The following DNAH7 variants were observed in gnomAD, a reference collection of about 807,000 sequenced individuals.
DNAH7 encodes axonemal beta dynein heavy chain 7.
A neutral mutation model predicts 444.6 loss-of-function variants in DNAH7; 397 were observed. The observed-to-expected ratio is 0.89, with a 90% confidence interval of 0.82 to 0.97. The LOEUF is 0.97. DNAH7 is among the 50% of genes least tolerant of loss of function. The probability of loss-of-function intolerance (pLI) is 0.00; values close to 1 mark genes in which losing one functional copy is unlikely to be tolerated. For missense variants in DNAH7, 4,902 were observed against 4,800.8 expected (o/e 1.02, Z -0.62); for synonymous variants, 1,636 against 1,624.4 (o/e 1.01, Z -0.17).
At chr2:195,815,605 A>G (rs1697180402) in intron 51 of DNAH7, among the ~76,000 whole-genome samples, 1 of 152,238 alleles carries the variant, frequency 6.6e-6, no homozygotes, top group South Asian at 2.1e-4. Flanking sequence ...CAGTCAAGAA[A>G]CTGAAGTATT....
At chr2:195,955,678 A>G (rs999754234) in intron 19 of DNAH7, among the ~76,000 whole-genome samples, 14 of 152,194 alleles carry the variant, frequency 9.2e-5, no homozygotes, top group Non-Finnish European at 1.8e-4. Flanking sequence ...GAACTGAGAT[A>G]TCTATAAAAT....
At position 195,931,827 on chromosome 2, in the gene DNAH7, C is replaced by T. The variant is rs530750290; in HGVS notation, c.3471+2764G>A. Among the ~76,000 whole-genome samples the T allele has an allele frequency of 1.6e-4, 24 of 152,238 alleles. No homozygotes were observed. The East Asian group carries it at 4.4e-3, about 28-fold the overall frequency. Reference sequence around the variant, plus strand: ...GCCATGCTGTTTTGGTTACTGTAGCCTTGTAGTATAGTTTGAAGTCAGGTA... The same window carrying T: ...GCCATGCTGTTTTGGTTACTGTAGCTTTGTAGTATAGTTTGAAGTCAGGTA... On this transcript the variant is annotated intron_variant, in intron 21 of 64. Transcript: ENST00000312428.
chr2:196,036,027 CT>C (rs750452521), intron 5 of DNAH7, among the ~76,000 whole-genome samples: 15,205 of 129,480 alleles, frequency 0.12, 1,059 homozygotes, highest in Middle Eastern at 0.24. Flanking sequence ...TCTCCACATT[CT>C]TTTTTTTTTT....
chr2:195,957,099 A>G lies in DNAH7; in HGVS notation c.3078+162T>C, dbSNP rs142159126. The stretch of plus-strand genomic sequence containing the variant: ...CAAAATACCTACTTTTGCTTGCGAC[A>G]TTTTCTGCTCCTGGCATTCTAAAAT... On this transcript the variant is annotated intron_variant, in intron 19 of 64. Transcript: ENST00000312428. Among the ~76,000 whole-genome samples the G allele has an allele frequency of 1.7e-3, 266 of 152,264 alleles. 1 individual carries two copies. Among genetic ancestry groups the G allele is most frequent in the Non-Finnish European group, 3.1e-3 (209 of 68,036 alleles).
At chr2:195,888,101 G>A (rs948023231) in intron 33 of DNAH7, among the ~76,000 whole-genome samples, 157 bp downstream of exon 33, 2 of 151,964 alleles carry the variant, frequency 1.3e-5, no homozygotes, top group African/African-American at 4.8e-5. Flanking sequence ...TATTTTTAGT[G>A]AACTGCATGA....
At chr2:195,856,399 C>A (rs1057394204) in intron 44 of DNAH7, among the ~76,000 whole-genome samples, 1 of 152,006 alleles carries the variant, frequency 6.6e-6, no homozygotes, top group African/African-American at 2.4e-5. Context: ...AACAGTTATC[C>A]TATAAATACG....
At chr2:195,957,898 G>A (rs1690800602) in intron 18 of DNAH7, among the ~76,000 whole-genome samples, 1 of 152,046 alleles carries the variant, frequency 6.6e-6, no homozygotes, top group Non-Finnish European at 1.5e-5. Context: ...TGAAAAATGA[G>A]ATTTTGTTGA....
chr2:196,003,693 G>C (rs1250972114), intron 10 of DNAH7, among the ~76,000 whole-genome samples: 1 of 152,156 alleles, frequency 6.6e-6, no homozygotes, highest in Non-Finnish European at 1.5e-5. Context: ...GTCTTCTCCA[G>C]TAATGACCTG....
chr2:196,044,542 C>T (rs959827940), intron 5 of DNAH7, among the ~76,000 whole-genome samples: 2 of 151,978 alleles, frequency 1.3e-5, no homozygotes, highest in African/African-American at 2.4e-5. Flanking sequence ...TCACCACTAA[C>T]GAATTTACCC....
intron 36 of DNAH7, 112 bp from the exon 37 acceptor site, chr2:195,876,811 C>T: frequency 1.4e-6 from 1 of 716,690 alleles, no homozygotes; most frequent in Non-Finnish European, 2.3e-6. Flanking sequence ...AGTGTTGTAA[C>T]ATTGTACAAA....
chr2:195,994,207 A>G (rs1693543663), intron 12 of DNAH7: 1 of 253,168 alleles, frequency 3.9e-6, no homozygotes, highest in South Asian at 6.1e-5. Context: ...CCCATGATAA[A>G]AAATTATTGA....
At chr2:195,825,845 G>A (rs1174128365) in intron 48 of DNAH7, among the ~76,000 whole-genome samples, 2 of 152,166 alleles carry the variant, frequency 1.3e-5, no homozygotes, top group Admixed American at 1.3e-4. Context: ...CCATGAAAGT[G>A]CAGACATATT....
At chr2:195,973,863 G>A (rs115032085) in intron 15 of DNAH7, among the ~76,000 whole-genome samples, 2,474 of 152,016 alleles carry the variant, frequency 0.016, 67 homozygotes, top group African/African-American at 0.056. Flanking sequence ...CTAGGCAGGC[G>A]GATCACCTGA....
chr2:195,889,489 A>G (rs1267220412), intron 31 of DNAH7, among the ~76,000 whole-genome samples: 1 of 151,298 alleles, frequency 6.6e-6, no homozygotes, highest in East Asian at 1.9e-4. Flanking sequence ...TAAATTTTTT[A>G]TTTCTTGTGG....
At chr2:196,023,562 AAG>A (rs1447034312) in intron 8 of DNAH7, among the ~76,000 whole-genome samples, 10 of 152,196 alleles carry the variant, frequency 6.6e-5, no homozygotes, top group African/African-American at 2.2e-4. Flanking sequence ...TACGGAACTG[AAG>A]AGAGTTAGGG....
intron 5 of DNAH7, among the ~76,000 whole-genome samples, chr2:196,038,682 T>C (rs1016753850): frequency 1.3e-5 from 2 of 152,190 alleles, no homozygotes; most frequent in Non-Finnish European, 2.9e-5. Flanking sequence ...AGAATTTGCA[T>C]GGTATATCTT....
At chr2:195,766,212 C>T (rs1370992711) in intron 61 of DNAH7, among the ~76,000 whole-genome samples, 6 of 59,670 alleles carry the variant, frequency 1.0e-4, no homozygotes, top group African/African-American at 2.9e-4. Context: ...CTTGCTCTGT[C>T]ACCCAGGCTG....
intron 36 of DNAH7, among the ~76,000 whole-genome samples, chr2:195,881,529 T>C (rs1172737759): frequency 6.6e-6 from 1 of 152,182 alleles, no homozygotes; most frequent in Non-Finnish European, 1.5e-5. Flanking sequence ...GCAATTCTTA[T>C]TAAAATATCA....
Position 196,058,128 on chromosome 2 carries a change from A to C in DNAH7, c.16-12T>G. On this transcript the variant is annotated splice_polypyrimidine_tract_variant and intron_variant, in intron 1 of 64. Coordinates refer to ENST00000312428, the MANE Select transcript of DNAH7 (RefSeq NM_018897.3). ...CTGGCCGATTTATCCTGTATGAAAA[A>C]CATGAAAAAACAAAACTGTTTACTC... 6.4e-7 allele frequency: 1 copy of C among 1,568,742 alleles called. No individual in the cohort carries two copies. The highest frequency in any genetic ancestry group is 8.6e-7 in the Non-Finnish European group (1 of 1,161,032).
Sources: gnomAD v4.1 joint callset for allele counts (sites outside exome capture counted in the v4.1 genomes callset) on GRCh38, gnomAD v4.1.1 for gene constraint, MANE v1.5 for transcripts, NCBI Gene and HGNC (gene_info 2026-07-23, HGNC 2026-07-21) for gene names.